The following CEP83 variants were observed in gnomAD, a reference collection of about 807,000 sequenced individuals.
CEP83 encodes centrosomal protein 83.
A neutral mutation model predicts 101.9 loss-of-function variants in CEP83; 70 were observed. The observed-to-expected ratio is 0.69, with a 90% CI of 0.57 to 0.84. The LOEUF (loss-of-function observed/expected upper bound fraction) is 0.84. Ranked by LOEUF, CEP83 falls within the 40% of genes least tolerant of loss-of-function variation. The pLI is 0.00. For synonymous variants in CEP83, 264 were observed against 267.9 expected (o/e 0.99, Z 0.14); for missense variants, 715 against 787.2 (o/e 0.91, Z 1.10).
intron 11 of CEP83, among the ~76,000 whole-genome samples, chr12:94,365,726 C>T (rs1248474874): frequency 3.3e-5 from 5 of 150,924 alleles, no homozygotes; most frequent in Non-Finnish European, 7.4e-5. Context: ...GCCAAGATCG[C>T]CCCACTGCCC....
At chr12:94,447,282 G>C (rs1172699605) in intron 1 of CEP83, among the ~76,000 whole-genome samples, 2 of 152,200 alleles carry the variant, frequency 1.3e-5, no homozygotes, top group Non-Finnish European at 2.9e-5. Context: ...GAGAGGCCAA[G>C]GTGGGTGGCT....
the CEP83 span, among the ~76,000 whole-genome samples, chr12:94,269,052 G>A: frequency 6.6e-6 from 1 of 152,136 alleles, no homozygotes; most frequent in African/African-American, 2.4e-5. Context: ...TTTCACATGG[G>A]AGAAGGGACA....
At chr12:94,408,765 T>C (rs1193837970) in intron 4 of CEP83, among the ~76,000 whole-genome samples, 1 of 151,996 alleles carries the variant, frequency 6.6e-6, no homozygotes, top group Admixed American at 6.6e-5. Context: ...ACTTTACTTT[T>C]TAGAGACAGA....
chr12:94,392,451 G>A (rs570193477), intron 6 of CEP83, among the ~76,000 whole-genome samples: 2 of 152,298 alleles, frequency 1.3e-5, no homozygotes, highest in South Asian at 4.1e-4. Context: ...TGAGAAGAAA[G>A]ACACAATGTA....
At position 94,333,436 on chromosome 12, in the gene CEP83, T is replaced by C. The variant is rs1450910714; in HGVS notation, c.1577+46A>G. On this transcript the variant is annotated intron_variant, in intron 13 of 16. Transcript: ENST00000397809. ...TCATTACTAAAATAAGTACATGTTA[T>C]ATAGAAAAAAGAAAAAATAGTTTGT... is the stretch of plus-strand genomic sequence containing the variant. The C allele has an allele frequency of 7.1e-6, 11 of 1,543,024 alleles. No individual in the cohort carries two copies. In the East Asian group the frequency reaches 1.8e-4, roughly 25 times the overall value.
At chr12:94,439,388 G>C (rs566802321) in intron 1 of CEP83, among the ~76,000 whole-genome samples, 1 of 152,090 alleles carries the variant, frequency 6.6e-6, no homozygotes, top group African/African-American at 2.4e-5. Context: ...CTTTTGTATG[G>C]CTACTATGAA....
chr12:94,285,626 G>A, the CEP83 span, among the ~76,000 whole-genome samples: 1 of 152,122 alleles, frequency 6.6e-6, no homozygotes, highest in Admixed American at 6.6e-5. Flanking sequence ...CAGGAATAAG[G>A]GGCATCTTTG....
chr12:94,276,613 C>A, the CEP83 span, among the ~76,000 whole-genome samples: 5 of 152,312 alleles, frequency 3.3e-5, no homozygotes, highest in South Asian at 1.0e-3. Flanking sequence ...AGTTACTCAG[C>A]CCCTCTGTGC....
chr12:94,319,523 C>T (rs1329362424), intron 14 of CEP83, among the ~76,000 whole-genome samples: 1 of 152,106 alleles, frequency 6.6e-6, no homozygotes, highest in East Asian at 1.9e-4. Flanking sequence ...TATAAATTTC[C>T]CTCATAACAT....
intron 11 of CEP83, among the ~76,000 whole-genome samples, chr12:94,365,160 A>AG (rs2060959212): frequency 6.6e-6 from 1 of 152,166 alleles, no homozygotes; most frequent in South Asian, 2.1e-4. Flanking sequence ...TTTTTAAGCA[A>AG]GGGAAAAAAG....
intron 4 of CEP83, 80 bp from the exon 5 acceptor site, chr12:94,403,342 T>C: frequency 1.5e-6 from 1 of 666,894 alleles, no homozygotes; most frequent in South Asian, 1.9e-5. Flanking sequence ...TCTCTCCTAA[T>C]TATGACAATG....
intron 2 of CEP83, chr12:94,434,058 C>T (rs1166633398): frequency 1.3e-5 from 2 of 152,014 alleles, no homozygotes; most frequent in Non-Finnish European, 2.9e-5. Flanking sequence ...CTGGCTCTGT[C>T]GGGAACAAAG....
At chr12:94,440,030 A>G (rs73218275) in intron 1 of CEP83, among the ~76,000 whole-genome samples, 10,524 of 152,266 alleles carry the variant, frequency 0.069, 452 homozygotes, top group Admixed American at 0.093. Context: ...TAGAAGGGAC[A>G]TACCTTAAGA....
intron 8 of CEP83, among the ~76,000 whole-genome samples, chr12:94,373,720 C>T (rs1448417115): frequency 6.6e-6 from 1 of 152,212 alleles, no homozygotes; most frequent in Admixed American, 6.5e-5. Flanking sequence ...ATCCAAGACA[C>T]TGATACTCAC....
chr12:94,332,357 T>C (rs1268085457), intron 13 of CEP83, among the ~76,000 whole-genome samples: 6 of 152,226 alleles, frequency 3.9e-5, no homozygotes, highest in African/African-American at 1.4e-4. Flanking sequence ...CTATTCTGCA[T>C]ACTTTATATG....
chr12:94,349,282 T>C (rs1394096416), intron 11 of CEP83, among the ~76,000 whole-genome samples: 1 of 133,036 alleles, frequency 7.5e-6, no homozygotes, highest in Non-Finnish European at 1.5e-5. Flanking sequence ...CAAGACTCTG[T>C]CTCAAAAAAA....
intron 6 of CEP83, among the ~76,000 whole-genome samples, chr12:94,394,707 A>G (rs1049410351): frequency 3.3e-5 from 5 of 152,194 alleles, no homozygotes; most frequent in Admixed American, 3.3e-4. Flanking sequence ...AATGGAAGAA[A>G]ATTTTTACAA....
intron 2 of CEP83, chr12:94,423,984 T>C (rs890733505): frequency 5.6e-6 from 9 of 1,612,996 alleles, no homozygotes; most frequent in African/African-American, 2.7e-5. Context: ...TGGAGAGAAA[T>C]GGGATGGTCC....
In CEP83 at chr12:94,310,050, CTG is replaced by C. The variant is rs1336095512; in HGVS notation, c.1867_1868del (p.Gln623GlufsTer4). On this transcript the variant is annotated frameshift_variant, in exon 16 of 17. Coordinates refer to ENST00000397809, the MANE Select transcript of CEP83 (RefSeq NM_016122.3). LOFTEE classifies it high-confidence loss of function. ...GACTTCGAAATTCATTATGTCTTCT[CTG>C]TATATCTTTTAGTCTTTTTTGAAGC... ...TRLQKRLKDI[Q>X]RRHNEFRSLI... 3.7e-6 allele frequency: 6 copies of C among 1,606,068 alleles called. No homozygotes were observed. The highest frequency in any genetic ancestry group is 5.1e-6 in the Non-Finnish European group (6 of 1,173,204).
Sources: gnomAD v4.1 joint callset for allele counts (sites outside exome capture counted in the v4.1 genomes callset) on GRCh38, gnomAD v4.1.1 for gene constraint, MANE v1.5 for transcripts, NCBI Gene and HGNC (gene_info 2026-07-23, HGNC 2026-07-21) for gene names.